The following IL3RA variants were observed in gnomAD, a reference collection of about 807,000 sequenced individuals.
The protein encoded by IL3RA is interleukin 3 receptor subunit alpha.
A neutral mutation model predicts 52.3 loss-of-function variants in IL3RA; 73 were observed. The ratio of observed to expected loss-of-function variants is 1.40; its 90% CI spans 1.16 to 1.70. The LOEUF (loss-of-function observed/expected upper bound fraction) is 1.70, where lower values mean the gene tolerates loss of function less well. IL3RA is among the 40% of genes most tolerant of loss of function. The pLI is 0.00. For synonymous variants in IL3RA, 260 were observed against 194.0 expected (o/e 1.34, Z -2.83); for missense variants, 664 against 504.4 (o/e 1.32, Z -3.03).
chrX:1,364,879 C>T (rs2087795278), intron 8 of IL3RA, among the ~76,000 whole-genome samples: 1 of 151,886 alleles, frequency 6.6e-6, no homozygotes, highest in South Asian at 2.1e-4. Context: ...TGCCATCTCG[C>T]CTCACTGCAA....
chrX:1,359,442 T>A (rs1318181786), intron 8 of IL3RA, among the ~76,000 whole-genome samples: 2 of 152,042 alleles, frequency 1.3e-5, no homozygotes, highest in African/African-American at 4.8e-5. Flanking sequence ...TCTCTTTCTC[T>A]GTCTCTGAAT....
intron 11 of IL3RA, among the ~76,000 whole-genome samples, 177 bp downstream of exon 11, chrX:1,381,281 C>T (rs2089165935): frequency 6.6e-6 from 1 of 152,066 alleles, no homozygotes; most frequent in Non-Finnish European, 1.5e-5. Context: ...GCCTGTAATC[C>T]CAGCTACTCG....
intron 2 of IL3RA, among the ~76,000 whole-genome samples, chrX:1,344,436 A>C (rs1487551153): frequency 6.6e-6 from 1 of 151,752 alleles, no homozygotes; most frequent in Non-Finnish European, 1.5e-5. Context: ...TCCGTCTCAA[A>C]ACAAACAAGC....
At chrX:1,381,552 T>G (rs2089178379) in intron 11 of IL3RA, among the ~76,000 whole-genome samples, 1 of 151,822 alleles carries the variant, frequency 6.6e-6, no homozygotes, top group South Asian at 2.1e-4. Context: ...TTTTTTTTTT[T>G]TTTAGATGGA....
At chrX:1,345,940 C>T (rs1365796690) in intron 3 of IL3RA, among the ~76,000 whole-genome samples, 3 of 152,008 alleles carry the variant, frequency 2.0e-5, no homozygotes, top group Non-Finnish European at 2.9e-5. Flanking sequence ...TCTGGTTCCC[C>T]GTCCGCGGGA....
At position 1,365,137 on chromosome X, in the gene IL3RA, G is replaced by T. The variant is rs745587538; in HGVS notation, c.760-1G>T. ...CTTCTTTATTTTCTTTCAAACCACA[G>T]GTCAGAGACAGAACCTCCTTCCAGC... is the stretch of plus-strand genomic sequence containing the variant. On this transcript the variant is annotated splice_acceptor_variant, in intron 8 of 11. Coordinates refer to ENST00000331035, the MANE Select transcript of IL3RA (RefSeq NM_002183.4). LOFTEE classifies it high-confidence loss of function. The T allele has an allele frequency of 5.6e-6, 9 of 1,605,274 alleles. No homozygotes were observed. The highest frequency in any genetic ancestry group is 6.8e-6 in the Non-Finnish European group (8 of 1,173,946).
At chrX:1,367,293 C>A (rs1393835039) in intron 9 of IL3RA, among the ~76,000 whole-genome samples, 1 of 9,570 alleles carries the variant, frequency 1.0e-4, no homozygotes, top group East Asian at 2.5e-3. Context: ...GAGCGGGGTG[C>A]GCGGGGTGCG....
At chrX:1,347,242 G>A (rs751651324) in intron 3 of IL3RA, among the ~76,000 whole-genome samples, 4 of 150,682 alleles carry the variant, frequency 2.7e-5, no homozygotes, top group South Asian at 2.1e-4. Context: ...TCAGGAGATC[G>A]AGACCCTCCT....
chrX:1,356,351 C>T lies in IL3RA; in HGVS notation c.732+15C>T, dbSNP rs199612533. ...AGATACAAAAGGTAAACTTTCACCC[C>T]GCCCCCAGCCCCCCCACCCCCGTGG... is the stretch of plus-strand genomic sequence containing the variant. On this transcript the variant is annotated intron_variant, in intron 7 of 11. Coordinates refer to ENST00000331035, the MANE Select transcript of IL3RA (RefSeq NM_002183.4). The T allele has an allele frequency of 3.9e-5, 61 of 1,546,788 alleles. No individual in the cohort carries two copies. The highest frequency in any genetic ancestry group is 2.5e-4 in the East Asian group (11 of 44,502).
chrX:1,362,788 T>TATTC (rs2079722290), intron 8 of IL3RA, among the ~76,000 whole-genome samples: 1 of 151,906 alleles, frequency 6.6e-6, no homozygotes, highest in South Asian at 2.1e-4. Context: ...TTTATTTATT[T>TATTC]ATTTTGAGAC....
rs370113088 is a variant in IL3RA, at chrX:1,382,511, C to A, written c.*46C>A. Reference sequence around the variant, plus strand: ...GGGGGTCTGCCTCAATCTCCCTGGCCGGGCCAGGCGCCTGCACAGACTGGC... The same window carrying A: ...GGGGGTCTGCCTCAATCTCCCTGGCAGGGCCAGGCGCCTGCACAGACTGGC... On this transcript the variant is annotated 3_prime_UTR_variant, in exon 12 of 12. Coordinates refer to ENST00000331035, the MANE Select transcript of IL3RA (RefSeq NM_002183.4). 2 of 1,573,728 alleles carry A rather than the reference C, an allele frequency of 1.3e-6. No homozygotes were observed. The highest frequency in any genetic ancestry group is 1.7e-6 in the Non-Finnish European group (2 of 1,143,520).
At chrX:1,343,957 A>G (rs1428673383) in intron 2 of IL3RA, among the ~76,000 whole-genome samples, 1 of 151,250 alleles carries the variant, frequency 6.6e-6, no homozygotes, top group African/African-American at 2.4e-5. Context: ...CACCACGCCC[A>G]ACTAATTTTT....
intron 7 of IL3RA, 43 bp downstream of exon 7, chrX:1,356,379 A>T: frequency 8.3e-7 from 1 of 1,211,082 alleles, no homozygotes; most frequent in Non-Finnish European, 1.1e-6. Context: ...CCCCGTGGAC[A>T]TCCCTTATTT....
rs1478359665 is a variant in IL3RA at position 1,348,633 on chromosome X, CTTTTCT to C, written c.298+95_298+100del. On this transcript the variant is annotated intron_variant, in intron 4 of 11. Coordinates refer to ENST00000331035, the MANE Select transcript of IL3RA (RefSeq NM_002183.4). ...CTCTCGCCTTCGCTGTGTCTTTTTT[CTTTTCT>C]TTTTCTCTTTCTTTCTTTCTTTCTT... The C allele has an allele frequency of 1.4e-5, 11 of 789,630 alleles. 1 individual carries two copies. The highest frequency in any genetic ancestry group is 1.3e-4 in the African/African-American group (7 of 52,134). 48.9% of individuals were successfully genotyped at this position (789,630 alleles called of 1,614,324 possible). A position where few individuals can be genotyped will look rare whatever the true frequency, so the allele number is the denominator to read the frequency against.
chrX:1,358,352 C>G (rs2086895498), intron 7 of IL3RA, among the ~76,000 whole-genome samples: 2 of 151,862 alleles, frequency 1.3e-5, no homozygotes, highest in South Asian at 4.2e-4. Context: ...AAGGTCTTGC[C>G]ACAGTGGCCC....
At position 1,356,151 on chromosome X, in the gene IL3RA, A is replaced by G; in HGVS notation, c.617-70A>G. The G allele has an allele frequency of 3.9e-6, 4 of 1,031,344 alleles. No homozygotes were observed. In the South Asian group the frequency reaches 5.6e-5, roughly 15 times the overall value. 63.9% of individuals were successfully genotyped at this position (1,031,344 alleles called of 1,614,324 possible). ...AGTAATTTGAAGTATCTCCAGAAAA[A>G]AAAAGAGAAAAAGAAAAAGAATTGA... On this transcript the variant is annotated intron_variant, in intron 6 of 11. Coordinates refer to ENST00000331035, the MANE Select transcript of IL3RA (RefSeq NM_002183.4).
At chrX:1,340,901 G>C (rs1659426840) in intron 1 of IL3RA, among the ~76,000 whole-genome samples, 1 of 152,116 alleles carries the variant, frequency 6.6e-6, no homozygotes, top group Non-Finnish European at 1.5e-5. Flanking sequence ...TGGATCACCT[G>C]AGGTCAGGAG....
At position 1,348,674 on chromosome X, in the gene IL3RA, C is replaced by CTT. The variant is rs375971291; in HGVS notation, c.298+131_298+132dup. ...TCTTTCTTTCTTTCTTTCTTTCTTT[C>CTT]TTTCTTTCTTTCTTTCTTTTTCTTT... On this transcript the variant is annotated intron_variant, in intron 4 of 11. Coordinates refer to ENST00000331035, the MANE Select transcript of IL3RA (RefSeq NM_002183.4). 48 of 481,834 alleles carry CTT rather than the reference C, an allele frequency of 1.0e-4. No homozygotes were observed. In the African/African-American group the frequency reaches 1.2e-3, roughly 12 times the overall value. The allele number at this position is 481,834 out of a possible 1,614,324, so 29.8% of individuals were successfully genotyped here. A position where few individuals can be genotyped will look rare whatever the true frequency, so the allele number is the denominator to read the frequency against.
chrX:1,359,307 C>T (rs2086983019), intron 8 of IL3RA, among the ~76,000 whole-genome samples: 2 of 152,114 alleles, frequency 1.3e-5, no homozygotes, highest in Admixed American at 1.3e-4. Flanking sequence ...GACAAGCATT[C>T]AGACAGGTGG....
Sources: gnomAD v4.1 joint callset for allele counts (sites outside exome capture counted in the v4.1 genomes callset) on GRCh38, gnomAD v4.1.1 for gene constraint, MANE v1.5 for transcripts, NCBI Gene and HGNC (gene_info 2026-07-23, HGNC 2026-07-21) for gene names.